Variants in PPP2R3B observed in about 807,000 individuals in gnomAD.
The protein encoded by PPP2R3B is protein phosphatase 2 regulatory subunit B''beta.
Under a neutral mutation model 72.9 loss-of-function variants are expected in PPP2R3B, and 68 were observed. The ratio of observed to expected loss-of-function variants is 0.93; its 90% CI spans 0.77 to 1.14. PPP2R3B has a LOEUF of 1.14. PPP2R3B is among the 50% of genes most tolerant of loss of function. PPP2R3B has a pLI of 0.00. For synonymous variants in PPP2R3B, 466 were observed against 375.8 expected (o/e 1.24, Z -2.78); for missense variants, 1,018 against 842.0 (o/e 1.21, Z -2.59).
chrX:375,405 C>T (rs1421436451), intron 1 of PPP2R3B, among the ~76,000 whole-genome samples: 2 of 144,214 alleles, frequency 1.4e-5, no homozygotes, highest in South Asian at 4.4e-4. Context: ...CAGTCACCCA[C>T]GATGCAGGAT....
At chrX:370,003 G>T (rs1235782699) in intron 1 of PPP2R3B, among the ~76,000 whole-genome samples, 1 of 152,122 alleles carries the variant, frequency 6.6e-6, no homozygotes, top group African/African-American at 2.4e-5. Context: ...GGAAGGCAGG[G>T]CCTGCTGCAA....
chrX:368,304 G>T (rs1206400501), intron 1 of PPP2R3B, among the ~76,000 whole-genome samples: 4 of 136,390 alleles, frequency 2.9e-5, no homozygotes, highest in African/African-American at 1.2e-4. Context: ...ACCGACGGGG[G>T]GAAGGCCGGG....
intron 1 of PPP2R3B, among the ~76,000 whole-genome samples, chrX:372,552 A>G (rs376389343): frequency 2.0e-5 from 3 of 152,360 alleles, no homozygotes; most frequent in Admixed American, 6.5e-5. Context: ...GGATTGTCAC[A>G]GGAAGACTCT....
At chrX:379,577 G>A (rs944032437) in intron 1 of PPP2R3B, among the ~76,000 whole-genome samples, 1 of 152,198 alleles carries the variant, frequency 6.6e-6, no homozygotes, top group African/African-American at 2.4e-5. Context: ...AAAATCACAG[G>A]TTAGGTGGAC....
chrX:342,336 AG>A (rs2071100254), intron 7 of PPP2R3B: 1 of 181,396 alleles, frequency 5.5e-6, no homozygotes, highest in African/African-American at 3.6e-5. Context: ...GTGAGACCTC[AG>A]CAACGGGAGG....
intron 2 of PPP2R3B, among the ~76,000 whole-genome samples, chrX:351,862 TA>T (rs1415206086): frequency 4.9e-4 from 74 of 152,224 alleles, no homozygotes; most frequent in Non-Finnish European, 1.9e-4. Flanking sequence ...CATGCCTGGG[TA>T]ATTTTTTTAA....
chrX:378,122 G>T (rs762974501), intron 1 of PPP2R3B, among the ~76,000 whole-genome samples: 114 of 152,274 alleles, frequency 7.5e-4, no homozygotes, highest in African/African-American at 2.7e-3. Flanking sequence ...GGCCAGCACG[G>T]AATCTGCGAG....
intron 1 of PPP2R3B, chrX:374,156 T>G (rs2071937843): frequency 6.7e-6 from 1 of 149,516 alleles, no homozygotes; most frequent in Non-Finnish European, 1.5e-5. Context: ...CATCAACAGG[T>G]CCCCGAGAAG....
rs368816739 is a variant in PPP2R3B, at chrX:368,141, T to C, written c.325-6551A>G. Among the ~76,000 whole-genome samples the C allele has an allele frequency of 5.2e-3, 691 of 132,688 alleles. 8 individuals are homozygous for C. Among genetic ancestry groups the C allele is most frequent in the African/African-American group, 0.018 (621 of 35,200 alleles). 87.0% of individuals were successfully genotyped at this position (132,688 alleles called of 152,430 possible). Reference sequence around the variant, plus strand: ...CAGGGAAGGCCGGGACCACCCACCCTGGGCACAGACACGGGGAAGGCCGGG... The same window carrying C: ...CAGGGAAGGCCGGGACCACCCACCCCGGGCACAGACACGGGGAAGGCCGGG... On this transcript the variant is annotated intron_variant, in intron 1 of 12. Coordinates refer to ENST00000390665, the MANE Select transcript of PPP2R3B (RefSeq NM_013239.5).
chrX:365,081 C>A (rs768078998), intron 1 of PPP2R3B, among the ~76,000 whole-genome samples: 2 of 71,730 alleles, frequency 2.8e-5, no homozygotes, highest in Non-Finnish European at 5.8e-5. Flanking sequence ...GGTGTGGTGG[C>A]GCATGCCTGT....
At chrX:369,317 G>A (rs2071804335) in intron 1 of PPP2R3B, among the ~76,000 whole-genome samples, 1 of 152,156 alleles carries the variant, frequency 6.6e-6, no homozygotes, top group Non-Finnish European at 1.5e-5. Flanking sequence ...CTCAGTACGT[G>A]TACTTTAAAA....
chrX:341,966 C>T (rs1032649862), intron 7 of PPP2R3B, 35 bp from the exon 8 acceptor site: 6 of 1,611,766 alleles, frequency 3.7e-6, no homozygotes, highest in African/African-American at 1.3e-5. Flanking sequence ...CAGCCCGCAC[C>T]GTGCCTCGGC....
At chrX:341,442 G>A (rs751499684) in intron 8 of PPP2R3B, 46 bp from the exon 9 acceptor site, 3 of 1,596,620 alleles carry the variant, frequency 1.9e-6, no homozygotes, top group African/African-American at 1.3e-5. Context: ...ATGTCAGGGA[G>A]AGCTTCACAG....
chrX:382,529 CT>C (rs1242949084), intron 1 of PPP2R3B, among the ~76,000 whole-genome samples: 14 of 147,216 alleles, frequency 9.5e-5, no homozygotes, highest in African/African-American at 2.6e-4. Flanking sequence ...GTCCTGCCCC[CT>C]ATACCCAATA....
At chrX:339,131 T>C (rs2738371) in intron 10 of PPP2R3B, among the ~76,000 whole-genome samples, 115,999 of 151,572 alleles carry the variant, frequency 0.77, 44,573 homozygotes, top group Middle Eastern at 0.85. Context: ...GCCCCAAGGA[T>C]GCGTGGACTG....
In PPP2R3B at chrX:346,731, C is replaced by T. The variant is rs760989901; in HGVS notation, c.762G>A (p.Ala254=). The change falls in exon 5 of 13, where the codon GCG becomes GCA. Residue 254 remains alanine (A), a synonymous_variant. Coordinates refer to ENST00000390665, the MANE Select transcript of PPP2R3B (RefSeq NM_013239.5). The stretch of plus-strand genomic sequence containing the variant: ...TGATGTAGCGCGAGTGGAACTCGGA[C>T]GCCTCCTTCAGGAACGACAGCCCCG... ...THPGLSFLKE[A]SEFHSRYITT... is the part of the protein sequence containing the mutation. The T allele has an allele frequency of 6.8e-6, 11 of 1,610,208 alleles. No homozygotes were observed. The African/African-American group carries it at 1.1e-4, about 16-fold the overall frequency.
In PPP2R3B at chrX:386,530, CTGCTCCCCGTCCCCCGGGG is replaced by C. The variant is rs2072256168; in HGVS notation, c.143_161del (p.Thr48SerfsTer55). 2 of 1,426,884 alleles carry C rather than the reference CTGCTCCCCGTCCCCCGGGG, an allele frequency of 1.4e-6. No homozygotes were observed. The highest frequency in any genetic ancestry group is 1.5e-5 in the African/African-American group (1 of 67,104). 88.4% of individuals were successfully genotyped at this position (1,426,884 alleles called of 1,614,324 possible). A position where few individuals can be genotyped will look rare whatever the true frequency, so the allele number is the denominator to read the frequency against. ...GCGGGGCTGTGGGCCAGGCCCCGGG[CTGCTCCCCGTCCCCCGGGG>C]TCGGCTGGTCCCGCCCGGGCGCCTT... On this transcript the variant is annotated frameshift_variant, in exon 1 of 13. Coordinates refer to ENST00000390665, the MANE Select transcript of PPP2R3B (RefSeq NM_013239.5). LOFTEE classifies it high-confidence loss of function.
At chrX:371,569 G>A (rs933866248) in intron 1 of PPP2R3B, among the ~76,000 whole-genome samples, 3 of 152,128 alleles carry the variant, frequency 2.0e-5, no homozygotes, top group African/African-American at 7.2e-5. Context: ...CCAGGGGCTC[G>A]TGGGTGCGGC....
chrX:338,708 G>T lies in PPP2R3B; in HGVS notation c.1473C>A (p.Asp491Glu). Residue 491 changes from aspartate to glutamate, a missense_variant and splice_region_variant, in exon 12 of 13, where the codon GAC becomes GAA. Transcript: ENST00000390665. ...AGAGCTCGGGGCCGCCGCTGTCACC[G>T]TCCTGGAGGAAGCACACGGGTTACG... ...EQKEQISLLRDGDSGGPELSD... is the reference protein window; with the variant it reads ...EQKEQISLLREGDSGGPELSD... The T allele has an allele frequency of 6.2e-7, 1 of 1,611,890 alleles. No homozygotes were observed.
Sources: allele counts gnomAD v4.1 joint callset (sites outside exome capture counted in the v4.1 genomes callset), GRCh38; gene constraint gnomAD v4.1.1; transcripts MANE v1.5; gene names NCBI Gene and HGNC (gene_info 2026-07-23, HGNC 2026-07-21).